CPLANE1: variants seen among roughly 807,000 people sequenced by gnomAD.
The protein encoded by CPLANE1 is ciliogenesis and planar polarity effector 1.
A neutral mutation model predicts 362.5 loss-of-function variants in CPLANE1; 263 were observed. The ratio of observed to expected loss-of-function variants is 0.73; its 90% CI spans 0.66 to 0.80. CPLANE1 has a LOEUF of 0.80. Among genes scored for constraint, CPLANE1 ranks in the 30% least tolerant of loss-of-function variants. CPLANE1 has a pLI of 0.00. For missense variants in CPLANE1, 3,461 were observed against 3,793.4 expected, an observed-to-expected ratio of 0.91 and a Z score of 2.30; for synonymous variants, 1,212 against 1,302.6, an observed-to-expected ratio of 0.93 and a Z score of 1.50.
At chr5:37,216,724 A>C (rs1319095132) in intron 15 of CPLANE1, among the ~76,000 whole-genome samples, 3 of 152,242 alleles carry the variant, frequency 2.0e-5, no homozygotes, top group Non-Finnish European at 4.4e-5. Flanking sequence ...ACAAATTTGA[A>C]AATAAATTAG....
rs1198738179 is a variant in CPLANE1, at chr5:37,184,970, T to C, written c.4299A>G (p.Ile1433Met). The C allele has an allele frequency of 3.1e-6, 5 of 1,614,106 alleles. No homozygotes were observed. The highest frequency in any genetic ancestry group is 4.2e-6 in the Non-Finnish European group (5 of 1,179,980). The change falls in exon 25 of 53, where the codon ATA becomes ATG. Residue 1433 changes from isoleucine to methionine, a missense_variant. Ile to Met is a conservative substitution (Grantham distance 10). Around this residue, in one of 2 missense-constraint regions of CPLANE1, gnomAD observed 3,380 missense variants for 3,666.1 expected, o/e 0.92. Coordinates refer to ENST00000651892, the MANE Select transcript of CPLANE1 (RefSeq NM_001384732.1). ...QRNIGSFEVN[I>M]WEPIEEEKPD... ...GTTTCTCTTCTTCAATTGGTTCCCA[T>C]ATATTCACTTCAAAAGAGCCTATAT...
In CPLANE1 at chr5:37,139,189, T is replaced by G. The variant is rs301870; in HGVS notation, c.8663+151A>C. 80,877 of 729,474 alleles carry G rather than the reference T, an allele frequency of 0.11. 5,316 individuals are homozygous for G. The highest frequency in any genetic ancestry group is 0.23 in the African/African-American group (12,214 of 52,942). 45.2% of individuals were successfully genotyped at this position (729,474 alleles called of 1,614,324 possible). A position where few individuals can be genotyped will look rare whatever the true frequency, so the allele number is the denominator to read the frequency against. ...GTAAGAGATATAACAATCCTCAATT[T>G]CTTAAAAATATTCCATACCCAATGA... On this transcript the variant is annotated intron_variant, in intron 45 of 52. Coordinates refer to ENST00000651892, the MANE Select transcript of CPLANE1 (RefSeq NM_001384732.1).
At chr5:37,180,731 G>A (rs1782452473) in intron 27 of CPLANE1, 126 bp downstream of exon 27, 1 of 788,438 alleles carries the variant, frequency 1.3e-6, no homozygotes. Flanking sequence ...AAAGCTCACT[G>A]CCTGCTCCTC....
intron 6 of CPLANE1, among the ~76,000 whole-genome samples, chr5:37,241,380 G>A (rs1407903349): frequency 6.6e-6 from 1 of 151,748 alleles, no homozygotes; most frequent in Non-Finnish European, 1.5e-5. Context: ...GCTTGAACCT[G>A]GGAGGCAGAA....
intron 43 of CPLANE1, among the ~76,000 whole-genome samples, chr5:37,147,149 C>T (rs1420078817): frequency 6.6e-6 from 1 of 152,120 alleles, no homozygotes; most frequent in Non-Finnish European, 1.5e-5. Context: ...AATTTAGAAG[C>T]TTGACCAAAG....
At chr5:37,225,111 C>T (rs1470708942) in intron 12 of CPLANE1, among the ~76,000 whole-genome samples, 2 of 151,656 alleles carry the variant, frequency 1.3e-5, no homozygotes, top group African/African-American at 2.4e-5. Flanking sequence ...TGCTCTGTTG[C>T]CAGGCTGAAT....
chr5:37,105,191 T>G (rs573815193), downstream of CPLANE1, among the ~76,000 whole-genome samples: 2 of 152,062 alleles, frequency 1.3e-5, no homozygotes, highest in African/African-American at 4.8e-5. Context: ...TCCCAGCTAC[T>G]TGGGTAGTCG....
Position 37,194,803 on chromosome 5 carries a change from G to A in CPLANE1, c.3811+1055C>T, listed in dbSNP as rs551469337. ...CCTACCTCAGCCTCCCAAGTACCTG[G>A]GATTACACCACTGTGCCCAGCTCTA... On this transcript the variant is annotated intron_variant, in intron 21 of 52. Transcript: ENST00000651892. 2.4e-4 allele frequency among the ~76,000 whole-genome samples: 37 copies of A among 151,862 alleles called. No homozygotes were observed. In the South Asian group the frequency reaches 7.7e-3, roughly 32 times the overall value.
chr5:37,189,061 C>A (rs779392552), intron 21 of CPLANE1, among the ~76,000 whole-genome samples: 3 of 152,108 alleles, frequency 2.0e-5, no homozygotes, highest in Non-Finnish European at 4.4e-5. Flanking sequence ...GTTGGCCAGG[C>A]TGGTCTCAAA....
intron 36 of CPLANE1, among the ~76,000 whole-genome samples, chr5:37,164,774 ATAGT>A (rs1243044604): frequency 1.3e-5 from 2 of 152,232 alleles, no homozygotes; most frequent in Non-Finnish European, 2.9e-5. Context: ...TGTTGCAAAA[ATAGT>A]TAGTCACCAA....
chr5:37,187,573 C>T lies in CPLANE1; in HGVS notation c.3922-1G>A. The T allele has an allele frequency of 1.2e-6, 2 of 1,601,232 alleles. No homozygotes were observed. The highest frequency in any genetic ancestry group is 1.7e-6 in the Non-Finnish European group (2 of 1,175,380). On this transcript the variant is annotated splice_acceptor_variant, in intron 22 of 52. Transcript: ENST00000651892. LOFTEE classifies it high-confidence loss of function. ...AAGAATCAAACTCCACTTCAAGGTC[C>T]TAAAAGGATATTGAAAAACATTCAT...
rs1232879896 is a variant in CPLANE1 at position 37,226,394 on chromosome 5, T to A, written c.2201A>T (p.Gln734Leu). The A allele has an allele frequency of 6.5e-7, 1 of 1,549,992 alleles. No individual in the cohort carries two copies. Among genetic ancestry groups the A allele is most frequent in the Non-Finnish European group, 8.7e-7 (1 of 1,146,478 alleles). Residue 734 changes from glutamine (Q) to leucine (L), a missense_variant, in exon 12 of 53, where the codon CAA (glutamine) becomes CTA (leucine). Physicochemically the swap from Gln to Leu is moderately radical, Grantham distance 113. Around this residue, in one of 2 missense-constraint regions of CPLANE1, gnomAD observed 3,380 missense variants for 3,666.1 expected, o/e 0.92. Transcript: ENST00000651892. ...CCAGTTTTTCTGAAAACCACTATCTTGAAACATCTGAAAAATAGGTACCAC... is the reference window on the plus strand; with the variant it reads ...CCAGTTTTTCTGAAAACCACTATCTAGAAACATCTGAAAAATAGGTACCAC... The part of the protein sequence containing the change: ...SLVVPIFQMF[Q>L]DSGFQKNWSW...
Position 37,227,620 on chromosome 5 carries a change from A to G in CPLANE1, c.1319T>C (p.Leu440Pro), listed in dbSNP as rs1203167510. 22 of 1,551,442 alleles carry G rather than the reference A, an allele frequency of 1.4e-5. No homozygotes were observed. Among genetic ancestry groups the G allele is most frequent in the Admixed American group, 3.9e-5 (2 of 50,976 alleles). ...SPSVHMRSLL[L>P]DSTQRLEKIY... The stretch of plus-strand genomic sequence containing the variant: ...TTTCTCAAGCCTCTGGGTTGAATCA[A>G]GTAGAAGTGATCTCATGTGTACTGA... Residue 440 changes from leucine to proline, a missense_variant, in exon 10 of 53, where the codon CTT becomes CCT. Around this residue, in one of 2 missense-constraint regions of CPLANE1, gnomAD observed 3,380 missense variants for 3,666.1 expected, o/e 0.92. Transcript: ENST00000651892.
In CPLANE1 at chr5:37,209,997, C is replaced by T. The variant is rs966913019; in HGVS notation, c.2920+3562G>A. Reference sequence around the variant, plus strand: ...TAAGAGAGAAATAGAAGAGCAACTTCGGGAAGAAATATGTCAAAAGTTGAA... The same window carrying T: ...TAAGAGAGAAATAGAAGAGCAACTTTGGGAAGAAATATGTCAAAAGTTGAA... On this transcript the variant is annotated intron_variant, in intron 16 of 52. Transcript: ENST00000651892. This position sits in a 1 kb window ranked among gnomAD's most constrained non-coding sequence, Gnocchi z 4.6. The T allele has an allele frequency of 5.9e-5, 52 of 886,494 alleles. No homozygotes were observed. The highest frequency in any genetic ancestry group is 7.9e-5 in the Non-Finnish European group (42 of 534,434). 54.9% of individuals were successfully genotyped at this position (886,494 alleles called of 1,614,324 possible).
At chr5:37,177,958 A>G (rs1461660104) in intron 29 of CPLANE1, among the ~76,000 whole-genome samples, 1 of 152,152 alleles carries the variant, frequency 6.6e-6, no homozygotes, top group African/African-American at 2.4e-5. Context: ...AGACTAACAC[A>G]CTGTAAATTA....
intron 16 of CPLANE1, chr5:37,210,706 T>C (rs915353206): frequency 4.2e-5 from 66 of 1,580,728 alleles, no homozygotes; most frequent in Non-Finnish European, 5.3e-5. Flanking sequence ...CTGGAGCTTC[T>C]GGCACAAAAT....
Position 37,210,401 on chromosome 5 carries a change from C to G in CPLANE1, c.2920+3158G>C. ...TTGAGAAGACCTATGACCAAAAACT[C>G]AAGAATGAACTCCTAAAGTATCAAC... On this transcript the variant is annotated intron_variant, in intron 16 of 52. Coordinates refer to ENST00000651892, the MANE Select transcript of CPLANE1 (RefSeq NM_001384732.1). 3.0e-6 allele frequency: 3 copies of G among 999,376 alleles called. No homozygotes were observed. The Admixed American group carries it at 5.4e-5, about 18-fold the overall frequency. The allele number at this position is 999,376 out of a possible 1,614,324, so 61.9% of individuals were successfully genotyped here.
At chr5:37,198,963 GGCTCA>G in intron 19 of CPLANE1, 97 bp from the exon 20 acceptor site, 1 of 1,142,740 alleles carries the variant, frequency 8.8e-7, no homozygotes, top group Non-Finnish European at 1.2e-6. Flanking sequence ...TGAGCACAGT[GGCTCA>G]CGCCTGTAAT....
At position 37,106,574 on chromosome 5, in the gene CPLANE1, C is replaced by T. The variant is rs899868302; in HGVS notation, c.*1028G>A. ...AAATGACAATTAACAATAATGTTAG[C>T]CTATAAAGCTATTTTCTAAAACAAT... On this transcript the variant is annotated 3_prime_UTR_variant, in exon 53 of 53. Coordinates refer to ENST00000651892, the MANE Select transcript of CPLANE1 (RefSeq NM_001384732.1). 2.1e-5 allele frequency: 9 copies of T among 434,446 alleles called. No homozygotes were observed. The highest frequency in any genetic ancestry group is 2.8e-5 in the Non-Finnish European group (9 of 326,420). The allele number at this position is 434,446 out of a possible 1,614,324, so 26.9% of individuals were successfully genotyped here. A position where few individuals can be genotyped will look rare whatever the true frequency, so the allele number is the denominator to read the frequency against.
Sources: gnomAD v4.1 joint callset for allele counts (sites outside exome capture counted in the v4.1 genomes callset) on GRCh38, gnomAD v4.1.1 for gene constraint, gnomAD v4.1.1 regional missense constraint, Gnocchi (gnomAD v3.1) non-coding constraint, MANE v1.5 for transcripts, NCBI Gene and HGNC (gene_info 2026-07-23, HGNC 2026-07-21) for gene names.